Variants in ZBTB44 observed in about 807,000 individuals in gnomAD.
ZBTB44 encodes zinc finger and BTB domain-containing protein 44.
A neutral mutation model predicts 54.0 loss-of-function variants in ZBTB44; 15 were observed. The ratio of observed to expected loss-of-function variants is 0.28; its 90% CI spans 0.19 to 0.43. The LOEUF (loss-of-function observed/expected upper bound fraction) is 0.43. Ranked by LOEUF, ZBTB44 falls within the 20% of genes least tolerant of loss-of-function variation. The pLI is 1.00. For missense variants in ZBTB44, 487 were observed against 707.1 expected, an observed-to-expected ratio of 0.69 and a Z score of 3.53; for synonymous variants, 230 against 250.1, an observed-to-expected ratio of 0.92 and a Z score of 0.76.
intron 2 of ZBTB44, among the ~76,000 whole-genome samples, chr11:130,255,657 G>C (rs1198455029): frequency 6.6e-6 from 1 of 151,880 alleles, no homozygotes; most frequent in Non-Finnish European, 1.5e-5. Flanking sequence ...CTGCTAACCA[G>C]ATTAATAAAG....
chr11:130,274,625 T>C (rs962918007), intron 1 of ZBTB44, among the ~76,000 whole-genome samples: 2 of 152,238 alleles, frequency 1.3e-5, no homozygotes, highest in African/African-American at 4.8e-5. Flanking sequence ...TCATGTAATT[T>C]AAAAATTATT....
chr11:130,235,145 G>C (rs990866501), intron 5 of ZBTB44, among the ~76,000 whole-genome samples: 60 of 152,214 alleles, frequency 3.9e-4, no homozygotes, highest in African/African-American at 1.4e-3. Flanking sequence ...TATGTACTTA[G>C]ACTTGATAAG....
At chr11:130,269,661 T>C (rs1354665981) in intron 1 of ZBTB44, among the ~76,000 whole-genome samples, 1 of 152,228 alleles carries the variant, frequency 6.6e-6, no homozygotes, top group African/African-American at 2.4e-5. Context: ...AAATAAGGTA[T>C]ACAGCCTAGT....
At chr11:130,252,128 A>G (rs777757485) in intron 2 of ZBTB44, among the ~76,000 whole-genome samples, 4 of 152,230 alleles carry the variant, frequency 2.6e-5, no homozygotes, top group Non-Finnish European at 4.4e-5. Context: ...CTGCAATCAT[A>G]GTCTCTGATA....
At chr11:130,252,754 G>A (rs768099030) in intron 2 of ZBTB44, among the ~76,000 whole-genome samples, 2 of 152,148 alleles carry the variant, frequency 1.3e-5, no homozygotes, top group Non-Finnish European at 1.5e-5. Context: ...GCCTGGCAGA[G>A]ACACAACAAA....
intron 2 of ZBTB44, among the ~76,000 whole-genome samples, chr11:130,251,130 C>T (rs516523): frequency 0.56 from 84,955 of 151,992 alleles, 27,264 homozygotes; most frequent in South Asian, 0.69. Flanking sequence ...AAACACAGCA[C>T]GAGAACTTCA....
chr11:130,302,927 A>C (rs1333269609), intron 1 of ZBTB44, among the ~76,000 whole-genome samples: 1 of 152,180 alleles, frequency 6.6e-6, no homozygotes, highest in Non-Finnish European at 1.5e-5. Context: ...GGGAGCCAAG[A>C]TCACACCATT....
intron 1 of ZBTB44, among the ~76,000 whole-genome samples, chr11:130,266,321 T>C (rs1939246286): frequency 6.6e-6 from 1 of 152,210 alleles, no homozygotes; most frequent in Non-Finnish European, 1.5e-5. Flanking sequence ...GCTTTCAGTA[T>C]ATTACTGCTT....
intron 1 of ZBTB44, among the ~76,000 whole-genome samples, chr11:130,263,727 A>C (rs138952771): frequency 6.6e-6 from 1 of 152,332 alleles, no homozygotes; most frequent in African/African-American, 2.4e-5. Context: ...CTTGAGTTAC[A>C]TCCACCTTCA....
At chr11:130,239,658 C>A in intron 3 of ZBTB44, 154 bp downstream of exon 3, 1 of 570,232 alleles carries the variant, frequency 1.8e-6, no homozygotes, top group Non-Finnish European at 3.0e-6. Flanking sequence ...TATAGGTACT[C>A]TAATTTATAA....
chr11:130,235,117 C>T (rs961574843), intron 5 of ZBTB44, among the ~76,000 whole-genome samples: 12 of 152,038 alleles, frequency 7.9e-5, no homozygotes, highest in African/African-American at 2.7e-4. Flanking sequence ...CTTCATTATA[C>T]CATAATTGTC....
intron 1 of ZBTB44, among the ~76,000 whole-genome samples, chr11:130,289,490 A>AG (rs1348519533): frequency 6.6e-6 from 1 of 152,000 alleles, no homozygotes; most frequent in Non-Finnish European, 1.5e-5. Context: ...TCAAAAAAAA[A>AG]AAAAAAAAGA....
intron 1 of ZBTB44, among the ~76,000 whole-genome samples, chr11:130,278,963 G>T (rs1439895852): frequency 6.6e-6 from 1 of 151,794 alleles, no homozygotes; most frequent in African/African-American, 2.4e-5. Flanking sequence ...TTTTTTTCTG[G>T]TGCATGAGTC....
At chr11:130,303,608 C>G (rs1364422666) in intron 1 of ZBTB44, among the ~76,000 whole-genome samples, 2 of 152,056 alleles carry the variant, frequency 1.3e-5, no homozygotes, top group Admixed American at 6.6e-5. Context: ...GCACTCCGGC[C>G]TGGGCAACAA....
At chr11:130,304,382 TAA>T (rs2134477699) in intron 1 of ZBTB44, among the ~76,000 whole-genome samples, 2 of 152,304 alleles carry the variant, frequency 1.3e-5, no homozygotes, top group South Asian at 4.1e-4. Context: ...GAAATATTTA[TAA>T]GAGTATTAAA....
At chr11:130,233,179 G>C in intron 7 of ZBTB44, 129 bp downstream of exon 7, 5 of 1,259,104 alleles carry the variant, frequency 4.0e-6, no homozygotes, top group Non-Finnish European at 5.4e-6. Context: ...AGAACATATT[G>C]ATGGGGCAGG....
chr11:130,301,956 T>C (rs1310209857), intron 1 of ZBTB44, among the ~76,000 whole-genome samples: 1 of 149,854 alleles, frequency 6.7e-6, no homozygotes, highest in Non-Finnish European at 1.5e-5. Context: ...GGTGGGAGGA[T>C]CTCTTGAACC....
At chr11:130,275,861 C>T (rs1360600568) in intron 1 of ZBTB44, among the ~76,000 whole-genome samples, 7 of 151,878 alleles carry the variant, frequency 4.6e-5, no homozygotes, top group Non-Finnish European at 8.8e-5. Context: ...CTCTTGGCCT[C>T]GTGATCGGCC....
At chr11:130,245,850 C>T (rs946546957) in intron 2 of ZBTB44, among the ~76,000 whole-genome samples, 9 of 152,148 alleles carry the variant, frequency 5.9e-5, no homozygotes, top group African/African-American at 1.9e-4. Flanking sequence ...ATTCTAGTAC[C>T]GTCAAAGGTT....
Sources: gnomAD v4.1 joint callset for allele counts (sites outside exome capture counted in the v4.1 genomes callset) on GRCh38, gnomAD v4.1.1 for gene constraint, MANE v1.5 for transcripts, NCBI Gene and HGNC (gene_info 2026-07-23, HGNC 2026-07-21) for gene names.